CNTNAP2: variants seen among roughly 807,000 people sequenced by gnomAD.
The protein encoded by CNTNAP2 is contactin associated protein 2, also known as contactin-associated protein-like 2.
A neutral mutation model predicts 155.2 loss-of-function variants in CNTNAP2; 98 were observed. The observed-to-expected ratio is 0.63, with a 90% CI of 0.54 to 0.75. CNTNAP2 has a LOEUF of 0.75. Among genes scored for constraint, CNTNAP2 ranks in the 30% least tolerant of loss-of-function variants. The pLI is 0.00. For missense variants in CNTNAP2, 1,727 were observed against 1,688.1 expected (o/e 1.02, Z -0.40); for synonymous variants, 651 against 631.2 (o/e 1.03, Z -0.47).
chr7:147,167,186 C>T (rs927310852), intron 8 of CNTNAP2, among the ~76,000 whole-genome samples: 3 of 152,136 alleles, frequency 2.0e-5, no homozygotes, highest in African/African-American at 4.8e-5. Context: ...TATGCTCTCA[C>T]ATGCAAGGAT....
intron 8 of CNTNAP2, among the ~76,000 whole-genome samples, chr7:147,199,885 A>G (rs542278424): frequency 6.6e-4 from 101 of 152,266 alleles, no homozygotes; most frequent in African/African-American, 2.3e-3. Flanking sequence ...AATTAGCTAG[A>G]GAGGGTTGTC....
At chr7:146,170,180 C>T (rs1181600156) in intron 1 of CNTNAP2, among the ~76,000 whole-genome samples, 1 of 151,990 alleles carries the variant, frequency 6.6e-6, no homozygotes, top group Non-Finnish European at 1.5e-5. Flanking sequence ...GTGTGCACCA[C>T]CACACCCAGC....
At chr7:147,448,111 A>G in intron 10 of CNTNAP2, among the ~76,000 whole-genome samples, 1 of 152,242 alleles carries the variant, frequency 6.6e-6, no homozygotes, top group East Asian at 1.9e-4. Flanking sequence ...GACACAACTG[A>G]TTAACAATTA....
At chr7:146,922,657 C>T (rs1012828412) in intron 3 of CNTNAP2, among the ~76,000 whole-genome samples, 4 of 152,100 alleles carry the variant, frequency 2.6e-5, no homozygotes, top group Admixed American at 6.6e-5. Flanking sequence ...CTTTCATATG[C>T]CACATATTAG....
chr7:146,455,079 G>A (rs1313883475), intron 1 of CNTNAP2, among the ~76,000 whole-genome samples: 2 of 152,132 alleles, frequency 1.3e-5, no homozygotes, highest in Non-Finnish European at 2.9e-5. Flanking sequence ...CTCTCAGTCT[G>A]TGGTTTTATG....
chr7:147,638,221 G>A (rs1795213589), intron 12 of CNTNAP2, among the ~76,000 whole-genome samples: 1 of 151,978 alleles, frequency 6.6e-6, no homozygotes, highest in Non-Finnish European at 1.5e-5. Flanking sequence ...ACTGGGATAT[G>A]TTCCTGGCTC....
intron 9 of CNTNAP2, among the ~76,000 whole-genome samples, chr7:147,386,552 T>G (rs961980885): frequency 2.6e-5 from 4 of 152,156 alleles, no homozygotes; most frequent in African/African-American, 7.2e-5. Context: ...CCGTCTCTGC[T>G]AAAACATAAC....
intron 14 of CNTNAP2, among the ~76,000 whole-genome samples, chr7:147,967,596 C>G (rs1293179358): frequency 6.6e-6 from 1 of 152,172 alleles, no homozygotes; most frequent in Non-Finnish European, 1.5e-5. Context: ...TGTTTTATTC[C>G]TAGTCTATTA....
intron 1 of CNTNAP2, among the ~76,000 whole-genome samples, chr7:146,163,543 CTATA>C (rs1299524980): frequency 1.4e-5 from 2 of 142,788 alleles, no homozygotes; most frequent in Non-Finnish European, 3.0e-5. Context: ...ATATCTATAT[CTATA>C]TATCTATATC....
chr7:146,168,081 T>G (rs1798338821), intron 1 of CNTNAP2, among the ~76,000 whole-genome samples: 1 of 152,120 alleles, frequency 6.6e-6, no homozygotes, highest in Non-Finnish European at 1.5e-5. Context: ...CCTTCTTCTG[T>G]CTGCTTTATT....
intron 21 of CNTNAP2, among the ~76,000 whole-genome samples, chr7:148,289,055 C>T (rs1215255798): frequency 6.6e-6 from 1 of 151,836 alleles, no homozygotes; most frequent in Non-Finnish European, 1.5e-5. Flanking sequence ...CCTAGCAGGC[C>T]TGTCTCCCTT....
At chr7:147,884,625 G>A (rs1356133625) in intron 13 of CNTNAP2, among the ~76,000 whole-genome samples, 1 of 152,112 alleles carries the variant, frequency 6.6e-6, no homozygotes, top group East Asian at 1.9e-4. Context: ...TGTATTCTGT[G>A]TCTTTCCTGC....
intron 8 of CNTNAP2, among the ~76,000 whole-genome samples, chr7:147,297,432 T>C (rs956147232): frequency 2.0e-5 from 3 of 152,122 alleles, no homozygotes; most frequent in African/African-American, 4.8e-5. Flanking sequence ...AATTTAGTAA[T>C]GAGAAACTAT....
intron 1 of CNTNAP2, among the ~76,000 whole-genome samples, chr7:146,333,532 T>G (rs1170292716): frequency 6.6e-6 from 1 of 152,158 alleles, no homozygotes; most frequent in African/African-American, 2.4e-5. Flanking sequence ...TCTCACTGAG[T>G]ATTAGTTTTC....
At chr7:146,592,183 G>A (rs977921630) in intron 1 of CNTNAP2, among the ~76,000 whole-genome samples, 1 of 152,132 alleles carries the variant, frequency 6.6e-6, no homozygotes, top group Non-Finnish European at 1.5e-5. Context: ...CTGTGGCTTG[G>A]TAGCCTCCCA....
intron 18 of CNTNAP2, among the ~76,000 whole-genome samples, chr7:148,195,625 C>A (rs1165996619): frequency 6.6e-6 from 1 of 152,104 alleles, no homozygotes; most frequent in African/African-American, 2.4e-5. Flanking sequence ...TCTACCTATG[C>A]TTTGATGCTT....
At chr7:146,739,584 T>G (rs1489870340) in intron 1 of CNTNAP2, among the ~76,000 whole-genome samples, 1 of 152,030 alleles carries the variant, frequency 6.6e-6, no homozygotes, top group Admixed American at 6.6e-5. Flanking sequence ...ATGATCTATT[T>G]TAGAGAATGA....
At chr7:148,400,274 G>T (rs1184701090) in intron 22 of CNTNAP2, among the ~76,000 whole-genome samples, 1 of 152,194 alleles carries the variant, frequency 6.6e-6, no homozygotes, top group Non-Finnish European at 1.5e-5. Context: ...CCCTGCTGCC[G>T]CCACGCGCAT....
chr7:147,452,112 G>GA (rs1229031279), intron 10 of CNTNAP2, among the ~76,000 whole-genome samples: 10 of 152,204 alleles, frequency 6.6e-5, no homozygotes, highest in Non-Finnish European at 1.5e-4. Context: ...TTCATGGGTA[G>GA]AAAAATAATG....
Sources: allele counts gnomAD v4.1 joint callset (sites outside exome capture counted in the v4.1 genomes callset), GRCh38; gene constraint gnomAD v4.1.1; transcripts MANE v1.5; gene names NCBI Gene and HGNC (gene_info 2026-07-23, HGNC 2026-07-21).